ARHGAP22: variants seen among roughly 807,000 people sequenced by gnomAD.
The protein encoded by ARHGAP22 is Rho GTPase activating protein 22, also known as rho GTPase-activating protein 22.
Under a neutral mutation model 59.1 loss-of-function variants are expected in ARHGAP22, and 48 were observed. The ratio of observed to expected loss-of-function variants is 0.81; its 90% CI spans 0.64 to 1.03. The LOEUF is 1.03. Ranked by LOEUF, ARHGAP22 falls within the 50% of genes least tolerant of loss-of-function variation. ARHGAP22 has a pLI of 0.00. For missense variants in ARHGAP22, 1,015 were observed against 958.7 expected (o/e 1.06, Z -0.78); for synonymous variants, 445 against 416.4 (o/e 1.07, Z -0.84).
At chr10:48,444,662 T>C (rs1325074258), downstream of ARHGAP22, 1 of 151,826 alleles carries the variant, frequency 6.6e-6, no homozygotes, top group African/African-American at 2.4e-5. Context: ...GGTGGCATTT[T>C]CTCTCCAGGT....
intron 2 of ARHGAP22, among the ~76,000 whole-genome samples, chr10:48,578,748 C>T (rs2058922913): frequency 6.6e-6 from 1 of 151,820 alleles, no homozygotes; most frequent in Non-Finnish European, 1.5e-5. Context: ...AAAGCTATGG[C>T]ATTAGGAGCA....
At chr10:48,652,366 T>C in exon 1 of ARHGAP22, 1 of 1,212,996 alleles carries the variant, frequency 8.2e-7, no homozygotes, top group Admixed American at 2.0e-5. Context: ...GACAAGCTAA[T>C]TCCTGTTTTC....
intron 1 of ARHGAP22, among the ~76,000 whole-genome samples, chr10:48,642,738 G>A (rs1344303449): frequency 6.6e-6 from 1 of 152,152 alleles, no homozygotes; most frequent in Admixed American, 6.5e-5. Flanking sequence ...ATTGACAAAT[G>A]GGATCTAATT....
chr10:48,628,596 A>C (rs1245360803), intron 1 of ARHGAP22, among the ~76,000 whole-genome samples: 1 of 152,222 alleles, frequency 6.6e-6, no homozygotes, highest in Non-Finnish European at 1.5e-5. Flanking sequence ...CCATAGGTCC[A>C]GAAATCTGCT....
intron 3 of ARHGAP22, among the ~76,000 whole-genome samples, chr10:48,502,943 C>T (rs1752787898): frequency 6.6e-6 from 1 of 152,196 alleles, no homozygotes; most frequent in Admixed American, 6.5e-5. Context: ...CGGGGGCCTA[C>T]TGGGGTCAGG....
intron 1 of ARHGAP22, among the ~76,000 whole-genome samples, chr10:48,600,350 C>G (rs2060308353): frequency 6.6e-6 from 1 of 152,100 alleles, no homozygotes; most frequent in Non-Finnish European, 1.5e-5. Flanking sequence ...AAGTGTCACT[C>G]TGGTTGGGAG....
At chr10:48,553,667 A>G (rs1319538927) in intron 3 of ARHGAP22, among the ~76,000 whole-genome samples, 1 of 152,122 alleles carries the variant, frequency 6.6e-6, no homozygotes, top group Admixed American at 6.6e-5. Context: ...TCCATCTTCT[A>G]ATTTCTGGAA....
intron 3 of ARHGAP22, among the ~76,000 whole-genome samples, chr10:48,540,290 G>C (rs1367424416): frequency 6.6e-6 from 1 of 152,228 alleles, no homozygotes; most frequent in Non-Finnish European, 1.5e-5. Flanking sequence ...AGGCTGGAGT[G>C]CAATGGCACA....
intron 1 of ARHGAP22, among the ~76,000 whole-genome samples, chr10:48,614,088 T>C (rs1263687239): frequency 6.6e-6 from 1 of 152,242 alleles, no homozygotes. Context: ...ACATTTATGT[T>C]CACTATAAAT....
At chr10:48,593,282 G>A (rs2059876208) in intron 1 of ARHGAP22, among the ~76,000 whole-genome samples, 1 of 152,102 alleles carries the variant, frequency 6.6e-6, no homozygotes, top group South Asian at 2.1e-4. Context: ...TTATATTATA[G>A]AAGTGGAAGA....
At chr10:48,444,218 A>AATG (rs1334649700), downstream of ARHGAP22, 3 of 152,168 alleles carry the variant, frequency 2.0e-5, no homozygotes, top group African/African-American at 7.2e-5. Context: ...CTTCATATTA[A>AATG]ATGATGTAAT....
chr10:48,642,286 C>G (rs906497788), intron 1 of ARHGAP22, among the ~76,000 whole-genome samples: 3 of 152,198 alleles, frequency 2.0e-5, no homozygotes, highest in South Asian at 2.1e-4. Context: ...CCAAGACAAT[C>G]CTAAGCAAAA....
intron 1 of ARHGAP22, among the ~76,000 whole-genome samples, chr10:48,596,398 T>G (rs2060069638): frequency 6.8e-6 from 1 of 147,186 alleles, no homozygotes; most frequent in Non-Finnish European, 1.5e-5. Flanking sequence ...GAGAGGGGAG[T>G]GTGAAGGCAG....
At position 48,526,551 on chromosome 10, in the gene ARHGAP22, C is replaced by T. The variant is rs115174109; in HGVS notation, c.322+28912G>A. Among the ~76,000 whole-genome samples the T allele has an allele frequency of 5.2e-3, 787 of 152,306 alleles. 6 individuals are homozygous for T. The highest frequency in any genetic ancestry group is 0.017 in the Middle Eastern group (5 of 294). Reference sequence around the variant, plus strand: ...ACCAGGCAAGATCACTTAGTCACAGCGGGCTTAATGAGGCCCCAGGAATTC... The same window carrying T: ...ACCAGGCAAGATCACTTAGTCACAGTGGGCTTAATGAGGCCCCAGGAATTC... On this transcript the variant is annotated intron_variant, in intron 3 of 9. Transcript: ENST00000249601.
intron 4 of ARHGAP22, among the ~76,000 whole-genome samples, chr10:48,461,360 TC>T (rs1307961346): frequency 3.3e-5 from 5 of 152,162 alleles, no homozygotes; most frequent in Non-Finnish European, 7.3e-5. Flanking sequence ...ACTGTGTCTC[TC>T]CCCCAGCACT....
chr10:48,483,343 T>C lies in ARHGAP22; in HGVS notation c.323-3579A>G, dbSNP rs551911654. On this transcript the variant is annotated intron_variant, in intron 3 of 9. Transcript: ENST00000249601. Reference sequence around the variant, plus strand: ...AAGGTCACTGCCAAGGTCTGATTTTTCCCCCAAAAATTTGCAACCTCCGGC... The same window carrying C: ...AAGGTCACTGCCAAGGTCTGATTTTCCCCCCAAAAATTTGCAACCTCCGGC... Among the ~76,000 whole-genome samples the C allele has an allele frequency of 1.1e-4, 17 of 152,312 alleles. No individual in the cohort carries two copies. The South Asian group carries it at 3.5e-3, about 32-fold the overall frequency.
At chr10:48,568,052 A>T (rs10458724) in intron 2 of ARHGAP22, among the ~76,000 whole-genome samples, 70,874 of 151,982 alleles carry the variant, frequency 0.47, 18,412 homozygotes, top group East Asian at 0.9. Context: ...TCCTTGCTCC[A>T]TGGATTGGAT....
intron 3 of ARHGAP22, among the ~76,000 whole-genome samples, chr10:48,528,471 G>A (rs1416915182): frequency 6.6e-6 from 1 of 152,156 alleles, no homozygotes; most frequent in East Asian, 1.9e-4. Flanking sequence ...GGTTGCCCCG[G>A]GAGCTGTAGG....
chr10:48,584,933 G>A (rs2059336431), intron 1 of ARHGAP22, among the ~76,000 whole-genome samples: 1 of 150,774 alleles, frequency 6.6e-6, no homozygotes, highest in African/African-American at 2.4e-5. Flanking sequence ...GGCGGAGCTT[G>A]CAGTGAGCTG....
Sources: gnomAD v4.1 joint callset for allele counts (sites outside exome capture counted in the v4.1 genomes callset) on GRCh38, gnomAD v4.1.1 for gene constraint, MANE v1.5 for transcripts, NCBI Gene and HGNC (gene_info 2026-07-23, HGNC 2026-07-21) for gene names.